BTBD1: variants seen among roughly 807,000 people sequenced by gnomAD.
BTBD1 encodes BTB domain containing 1.
A neutral mutation model predicts 48.0 loss-of-function variants in BTBD1; 34 were observed. The ratio of observed to expected loss-of-function variants is 0.71; its 90% CI spans 0.54 to 0.94. BTBD1 has a LOEUF of 0.94. Among genes scored for constraint, BTBD1 ranks in the 40% least tolerant of loss-of-function variants. The pLI is 0.00. For missense variants in BTBD1, 543 were observed against 625.6 expected, an observed-to-expected ratio of 0.87 and a Z score of 1.41; for synonymous variants, 261 against 242.1, an observed-to-expected ratio of 1.08 and a Z score of -0.72.
chr15:83,067,215 C>A lies in BTBD1; in HGVS notation c.-64G>T. 2 of 1,317,258 alleles carry A rather than the reference C, an allele frequency of 1.5e-6. No individual in the cohort carries two copies. The highest frequency in any genetic ancestry group is 3.0e-5 in the East Asian group (1 of 33,640). 81.6% of individuals were successfully genotyped at this position (1,317,258 alleles called of 1,614,324 possible). A position where few individuals can be genotyped will look rare whatever the true frequency, so the allele number is the denominator to read the frequency against. ...CCGCCGCCATCGCCCAGGCCGCCTC[C>A]GGAGGCCGGCGCTGCCTCCCTGCCT... On this transcript the variant is annotated 5_prime_UTR_variant, in exon 1 of 8. Transcript: ENST00000261721.
chr15:83,036,012 T>C (rs1475479025), intron 4 of BTBD1, among the ~76,000 whole-genome samples: 3 of 149,966 alleles, frequency 2.0e-5, no homozygotes, highest in Non-Finnish European at 4.4e-5. Context: ...AAGTCTGATT[T>C]ACGTAAGGAA....
chr15:83,042,635 C>T (rs1486307139), intron 3 of BTBD1, among the ~76,000 whole-genome samples: 1 of 152,010 alleles, frequency 6.6e-6, no homozygotes, highest in Non-Finnish European at 1.5e-5. Context: ...CTGCCTGCCT[C>T]GGCCTTCCAA....
Position 83,041,921 on chromosome 15 carries a change from T to C in BTBD1, c.669A>G (p.Thr223=), listed in dbSNP as rs1298260497. The C allele has an allele frequency of 1.2e-6, 2 of 1,613,806 alleles. No homozygotes were observed. Among genetic ancestry groups the C allele is most frequent in the African/African-American group, 1.3e-5 (1 of 74,874 alleles). ...TGTCTCTCTCTAAAACTGCACAGAG[T>C]GTATCTATAGGCAAAATACAAAATA... ...AEGFTDIDID[T]LCAVLERDTL... The change falls in exon 4 of 8, where the codon ACA becomes ACG. Residue 223 remains threonine, a synonymous_variant. Coordinates refer to ENST00000261721, the MANE Select transcript of BTBD1 (RefSeq NM_025238.4).
chr15:83,066,061 G>A (rs749848177), intron 1 of BTBD1, among the ~76,000 whole-genome samples: 64 of 152,308 alleles, frequency 4.2e-4, no homozygotes, highest in Non-Finnish European at 8.4e-4. Flanking sequence ...GGAGGCCGAG[G>A]TGGACGGATC....
intron 4 of BTBD1, chr15:83,030,809 A>C (rs906450558): frequency 2.6e-5 from 4 of 152,450 alleles, no homozygotes; most frequent in African/African-American, 9.6e-5. Context: ...CAAAATAAAT[A>C]ATCAGCAGAG....
At chr15:83,042,119 G>A (rs1319118854) in intron 3 of BTBD1, among the ~76,000 whole-genome samples, 194 bp from the exon 4 acceptor site, 1 of 151,652 alleles carries the variant, frequency 6.6e-6, no homozygotes, top group Admixed American at 6.6e-5. Context: ...ATAAAAATCA[G>A]TTTAACAATC....
rs2151302523 is a variant in BTBD1 at position 83,030,264 on chromosome 15, G to A, written c.927C>T (p.Val309=). ...EVVNLFLHFT[V]NPKPRVEYID... is the part of the protein sequence containing the mutation. Reference sequence around the variant, plus strand: ...TGTATTCAACTCGGGGTTTAGGGTTGACAGTAAAATGAAGAAAGAGGTTTA... The same window carrying A: ...TGTATTCAACTCGGGGTTTAGGGTTAACAGTAAAATGAAGAAAGAGGTTTA... Residue 309 remains valine (V), a synonymous_variant, in exon 5 of 8, where the codon GTC becomes GTT. Transcript: ENST00000261721. 1 of 1,614,026 alleles carries A rather than the reference G, an allele frequency of 6.2e-7. No individual in the cohort carries two copies. Among genetic ancestry groups the A allele is most frequent in the South Asian group, 1.1e-5 (1 of 91,068 alleles).
chr15:83,062,207 C>T (rs2033187454), intron 1 of BTBD1, among the ~76,000 whole-genome samples: 1 of 152,110 alleles, frequency 6.6e-6, no homozygotes, highest in South Asian at 2.1e-4. Flanking sequence ...TTAAAAGATT[C>T]AGGGGAATTA....
intron 3 of BTBD1, among the ~76,000 whole-genome samples, chr15:83,045,632 G>A (rs1196671622): frequency 6.6e-6 from 1 of 152,068 alleles, no homozygotes; most frequent in Non-Finnish European, 1.5e-5. Context: ...CACAGGAGAG[G>A]CTTAATACCA....
Position 83,041,889 on chromosome 15 carries a change from CTGAG to C in BTBD1, c.697_700del (p.Leu233ValfsTer26). ...TCCAAAAAGTCGACTTTCTCGAATA[CTGAG>C]TGTGTCTCTCTCTAAAACTGCACAG... On this transcript the variant is annotated frameshift_variant, in exon 4 of 8. Transcript: ENST00000261721. LOFTEE classifies it high-confidence loss of function. 1 of 1,614,134 alleles carries C rather than the reference CTGAG, an allele frequency of 6.2e-7. No homozygotes were observed. The highest frequency in any genetic ancestry group is 8.5e-7 in the Non-Finnish European group (1 of 1,180,020).
intron 2 of BTBD1, among the ~76,000 whole-genome samples, chr15:83,054,451 C>T (rs767693497): frequency 2.6e-5 from 4 of 152,004 alleles, no homozygotes; most frequent in African/African-American, 4.8e-5. Context: ...GTCTGGCATA[C>T]GTGGAGTTCT....
At chr15:83,032,307 C>G (rs1220736500) in intron 4 of BTBD1, among the ~76,000 whole-genome samples, 1 of 151,438 alleles carries the variant, frequency 6.6e-6, no homozygotes, top group East Asian at 1.9e-4. Flanking sequence ...GGCAACACAG[C>G]GAGACTCTGT....
intron 3 of BTBD1, among the ~76,000 whole-genome samples, chr15:83,043,709 T>A (rs1952858458): frequency 6.6e-6 from 1 of 152,088 alleles, no homozygotes; most frequent in African/African-American, 2.4e-5. Context: ...GAGTCAAGAA[T>A]AACTGCAAGG....
intron 4 of BTBD1, among the ~76,000 whole-genome samples, chr15:83,036,699 C>T (rs541583852): frequency 6.6e-6 from 1 of 152,200 alleles, no homozygotes; most frequent in East Asian, 1.9e-4. Context: ...AATCATGGCA[C>T]AGTTGTATAA....
At chr15:83,040,944 G>A (rs565170367) in intron 4 of BTBD1, among the ~76,000 whole-genome samples, 1 of 151,900 alleles carries the variant, frequency 6.6e-6, no homozygotes, top group South Asian at 2.1e-4. Flanking sequence ...GAGCCCAGGA[G>A]TTCAAGACCA....
intron 1 of BTBD1, among the ~76,000 whole-genome samples, chr15:83,061,180 C>T (rs1176183453): frequency 2.0e-5 from 3 of 152,180 alleles, no homozygotes; most frequent in African/African-American, 7.2e-5. Context: ...GGGCTACAAA[C>T]CAGTACAGGA....
intron 3 of BTBD1, chr15:83,044,624 C>A (rs2032840111): frequency 1.3e-6 from 2 of 1,565,386 alleles, no homozygotes; most frequent in Non-Finnish European, 8.8e-7. Context: ...AGACTGTGTG[C>A]AGCTTTGCAG....
intron 1 of BTBD1, among the ~76,000 whole-genome samples, chr15:83,065,834 T>C (rs1596446957): frequency 1.3e-5 from 2 of 152,208 alleles, no homozygotes; most frequent in African/African-American, 4.8e-5. Context: ...TCTACTATCC[T>C]CAAATAACCA....
chr15:83,030,282 G>T lies in BTBD1; in HGVS notation c.909C>A (p.Leu303=). The T allele has an allele frequency of 6.2e-7, 1 of 1,614,106 alleles. No homozygotes were observed. The highest frequency in any genetic ancestry group is 8.5e-7 in the Non-Finnish European group (1 of 1,180,026). The change falls in exon 5 of 8, where the codon CTC becomes CTA. Residue 303 remains leucine, a synonymous_variant. Transcript: ENST00000261721. Reference sequence around the variant, plus strand: ...TAGGGTTGACAGTAAAATGAAGAAAGAGGTTTACCACTTCACGATCTGACA... The same window carrying T: ...TAGGGTTGACAGTAAAATGAAGAAATAGGTTTACCACTTCACGATCTGACA... ...GILSDREVVN[L]FLHFTVNPKP...
Sources: allele counts gnomAD v4.1 joint callset (sites outside exome capture counted in the v4.1 genomes callset), GRCh38; gene constraint gnomAD v4.1.1; transcripts MANE v1.5; gene names NCBI Gene and HGNC (gene_info 2026-07-23, HGNC 2026-07-21).